Variants in DGKI observed in about 807,000 individuals in gnomAD.
DGKI encodes DAG kinase iota.
A neutral mutation model predicts 147.5 loss-of-function variants in DGKI; 55 were observed. The ratio of observed to expected loss-of-function variants is 0.37; its 90% CI spans 0.30 to 0.47. The LOEUF (loss-of-function observed/expected upper bound fraction) is 0.47, where lower values mean the gene tolerates loss of function less well. Ranked by LOEUF, DGKI falls within the 20% of genes least tolerant of loss-of-function variation. The pLI is 1.00. For missense variants in DGKI, 1,007 were observed against 1,323.8 expected (o/e 0.76, Z 3.71); for synonymous variants, 469 against 477.1 (o/e 0.98, Z 0.22).
rs769791277 is a variant in DGKI at position 137,642,742 on chromosome 7, A to C, written c.804+2730T>G. The stretch of plus-strand genomic sequence containing the variant: ...CAAACACATATTTAAGGCAAGAGAA[A>C]ATCAGTCCAAACATCATTTTATTGT... On this transcript the variant is annotated intron_variant, in intron 6 of 32. Coordinates refer to ENST00000614521, the MANE Select transcript of DGKI (RefSeq NM_001321708.2). 2.0e-5 allele frequency among the ~76,000 whole-genome samples: 3 copies of C among 152,186 alleles called. 1 individual carries two copies. The highest frequency in any genetic ancestry group is 2.9e-5 in the Non-Finnish European group (2 of 68,042).
Position 137,407,933 on chromosome 7 carries a change from G to C in DGKI, c.2862C>G (p.Leu954=). The part of the protein sequence containing the change: ...LLIQGPDHCS[L]LHYAAKTGNG... ...TGCCGGTTTTAGCTGCGTAGTGAAGGAGTGAACAGTGGTCTGGTCCCTGAA... is the reference window on the plus strand; with the variant it reads ...TGCCGGTTTTAGCTGCGTAGTGAAGCAGTGAACAGTGGTCTGGTCCCTGAA... Residue 954 remains leucine, a synonymous_variant, in exon 30 of 33, where the codon CTC becomes CTG. Coordinates refer to ENST00000614521, the MANE Select transcript of DGKI (RefSeq NM_001321708.2). The C allele has an allele frequency of 6.2e-7, 1 of 1,614,120 alleles. No homozygotes were observed. The highest frequency in any genetic ancestry group is 8.5e-7 in the Non-Finnish European group (1 of 1,179,972).
At chr7:137,616,389 C>A (rs151049822) in intron 8 of DGKI, among the ~76,000 whole-genome samples, 7 of 152,064 alleles carry the variant, frequency 4.6e-5, no homozygotes, top group Non-Finnish European at 8.8e-5. Context: ...GAATCATAGA[C>A]GGTAATAAAA....
intron 5 of DGKI, among the ~76,000 whole-genome samples, chr7:137,651,005 C>A (rs1822007557): frequency 6.6e-6 from 1 of 152,124 alleles, no homozygotes; most frequent in African/African-American, 2.4e-5. Context: ...CAGGCAGGGG[C>A]CAGACAATGT....
rs1424762077 is a variant in DGKI, at chr7:137,385,340, GA to G, written c.*5879del. The G allele has an allele frequency of 2.0e-5, 3 of 151,884 alleles. No homozygotes were observed. Among genetic ancestry groups the G allele is most frequent in the Non-Finnish European group, 4.4e-5 (3 of 67,944 alleles). The allele number at this position is 151,884 out of a possible 1,614,324, so 9.4% of individuals were successfully genotyped here. ...CAAAGTTTAACAAATCAAAAATCAAGATTTTCATGAGTTTTTAAAATAAAAT... is the reference window on the plus strand; with the variant it reads ...CAAAGTTTAACAAATCAAAAATCAAGTTTTCATGAGTTTTTAAAATAAAAT... On this transcript the variant is annotated 3_prime_UTR_variant, in exon 33 of 33. Transcript: ENST00000614521.
chr7:137,739,477 A>G (rs1324959066), intron 1 of DGKI, among the ~76,000 whole-genome samples: 1 of 152,152 alleles, frequency 6.6e-6, no homozygotes, highest in Non-Finnish European at 1.5e-5. Flanking sequence ...AATCTGCCAA[A>G]GAGGAAAAAT....
At chr7:137,449,903 A>G (rs1813884364) in intron 27 of DGKI, among the ~76,000 whole-genome samples, 1 of 152,198 alleles carries the variant, frequency 6.6e-6, no homozygotes, top group South Asian at 2.1e-4. Flanking sequence ...CAACGTACAA[A>G]TGGATAAAGA....
chr7:137,625,097 C>A (rs956118956), intron 6 of DGKI, among the ~76,000 whole-genome samples: 1 of 152,216 alleles, frequency 6.6e-6, no homozygotes, highest in Non-Finnish European at 1.5e-5. Context: ...ACCTCCTTCT[C>A]AAAAACCTAA....
At chr7:137,409,485 G>C (rs1027230520) in intron 29 of DGKI, among the ~76,000 whole-genome samples, 1 of 152,188 alleles carries the variant, frequency 6.6e-6, no homozygotes, top group Non-Finnish European at 1.5e-5. Flanking sequence ...AAACAGCCAC[G>C]GAAGACCTCC....
chr7:137,584,193 G>A (rs555794213), intron 14 of DGKI, among the ~76,000 whole-genome samples: 13 of 152,140 alleles, frequency 8.5e-5, no homozygotes, highest in Non-Finnish European at 1.5e-4. Flanking sequence ...AAGTACAGAT[G>A]TCTGGGCCTT....
At chr7:137,577,887 T>C (rs766146855) in intron 16 of DGKI, among the ~76,000 whole-genome samples, 8 of 152,236 alleles carry the variant, frequency 5.3e-5, no homozygotes, top group Non-Finnish European at 8.8e-5. Context: ...CAAACGTCAA[T>C]GTGCGCACCC....
chr7:137,541,353 A>C (rs1276910034), intron 20 of DGKI, among the ~76,000 whole-genome samples: 3 of 152,202 alleles, frequency 2.0e-5, no homozygotes, highest in African/African-American at 7.2e-5. Context: ...AGAAAAATAG[A>C]ATGGTTTTGT....
At chr7:137,452,812 A>C (rs1430994910) in intron 27 of DGKI, 1 of 151,990 alleles carries the variant, frequency 6.6e-6, no homozygotes, top group Non-Finnish European at 1.5e-5. Flanking sequence ...TTTCTCATTT[A>C]CCTTTGTCAC....
intron 19 of DGKI, among the ~76,000 whole-genome samples, chr7:137,568,830 T>C (rs1002544103): frequency 6.6e-6 from 1 of 151,986 alleles, no homozygotes; most frequent in Non-Finnish European, 1.5e-5. Context: ...AGTTTCAGTA[T>C]TGCTCCTATA....
At chr7:137,404,917 G>T (rs552127707) in intron 30 of DGKI, among the ~76,000 whole-genome samples, 1 of 152,238 alleles carries the variant, frequency 6.6e-6, no homozygotes, top group African/African-American at 2.4e-5. Context: ...AGAGACTAAT[G>T]TGCCAGATGA....
At chr7:137,631,526 C>T (rs1367074917) in intron 6 of DGKI, among the ~76,000 whole-genome samples, 1 of 152,070 alleles carries the variant, frequency 6.6e-6, no homozygotes, top group Non-Finnish European at 1.5e-5. Flanking sequence ...AAAGAACTAG[C>T]TGCAGGACCT....
intron 23 of DGKI, 21 bp from the exon 24 acceptor site, chr7:137,469,640 T>C: frequency 6.2e-7 from 1 of 1,609,880 alleles, no homozygotes; most frequent in Non-Finnish European, 8.5e-7. Flanking sequence ...ACACACACAC[T>C]CTAGTGGCTG....
chr7:137,755,773 G>A (rs1795659089), intron 1 of DGKI, among the ~76,000 whole-genome samples: 1 of 152,056 alleles, frequency 6.6e-6, no homozygotes, highest in South Asian at 2.1e-4. Flanking sequence ...AACTGTAGGA[G>A]GAGAAACAAC....
chr7:137,842,489 C>G (rs538537181), intron 1 of DGKI, among the ~76,000 whole-genome samples: 1 of 152,290 alleles, frequency 6.6e-6, no homozygotes, highest in East Asian at 1.9e-4. Context: ...GGTTTATGAG[C>G]AGAGAAACTA....
chr7:137,632,862 T>TAAAC (rs1341714008), intron 6 of DGKI, among the ~76,000 whole-genome samples: 3 of 143,618 alleles, frequency 2.1e-5, no homozygotes, highest in Admixed American at 6.8e-5. Flanking sequence ...CTGTCTCAAA[T>TAAAC]AAATAAACAA....
Sources: gnomAD v4.1 joint callset for allele counts (sites outside exome capture counted in the v4.1 genomes callset) on GRCh38, gnomAD v4.1.1 for gene constraint, MANE v1.5 for transcripts, NCBI Gene and HGNC (gene_info 2026-07-23, HGNC 2026-07-21) for gene names.